The following PTPRU variants were observed in gnomAD, a reference collection of about 807,000 sequenced individuals.
PTPRU encodes the protein receptor-type tyrosine-protein phosphatase U.
PTPRU carries 69 observed loss-of-function variants against 166.3 expected under a neutral mutation model. That is an observed-to-expected ratio of 0.41 (90% CI 0.34 to 0.51). The LOEUF is 0.51. Ranked by LOEUF, PTPRU falls within the 20% of genes least tolerant of loss-of-function variation. PTPRU has a pLI of 0.09. For missense variants in PTPRU, 1,657 were observed against 2,013.7 expected (o/e 0.82, Z 3.39); for synonymous variants, 793 against 814.0 (o/e 0.97, Z 0.44).
chr1:29,248,958 G>A (rs547897221), intron 1 of PTPRU, among the ~76,000 whole-genome samples: 7 of 152,240 alleles, frequency 4.6e-5, no homozygotes, highest in East Asian at 1.9e-4. Flanking sequence ...AACTGCAACC[G>A]GTCATCTGAC....
intron 15 of PTPRU, among the ~76,000 whole-genome samples, chr1:29,295,201 A>G (rs1416790439): frequency 6.6e-6 from 1 of 150,986 alleles, no homozygotes; most frequent in African/African-American, 2.4e-5. Flanking sequence ...ATGCCTGGCT[A>G]ATCTTTGCAT....
chr1:29,240,806 C>T (rs563166794), intron 1 of PTPRU, among the ~76,000 whole-genome samples: 2 of 137,742 alleles, frequency 1.5e-5, no homozygotes, highest in East Asian at 4.3e-4. Context: ...AGGGAGCCCG[C>T]AGGGCCCTGT....
At chr1:29,242,297 A>T (rs917726024) in intron 1 of PTPRU, among the ~76,000 whole-genome samples, 4 of 151,924 alleles carry the variant, frequency 2.6e-5, no homozygotes, top group African/African-American at 9.7e-5. Context: ...GTTGGGTGGG[A>T]ATGTCCTGGT....
Position 29,279,245 on chromosome 1 carries a change from C to G in PTPRU, c.1563+124C>G, listed in dbSNP as rs1041076299. 1.9e-6 allele frequency: 2 copies of G among 1,050,430 alleles called. No individual in the cohort carries two copies. Among genetic ancestry groups the G allele is most frequent in the African/African-American group, 3.2e-5 (2 of 62,872 alleles). The allele number at this position is 1,050,430 out of a possible 1,614,324, so 65.1% of individuals were successfully genotyped here. ...GATGTGATTGTCATAGTTTCTTCAA[C>G]TATGGCCAGGTCTGTGCCCTGTGTA... On this transcript the variant is annotated intron_variant, in intron 9 of 29. Coordinates refer to ENST00000373779, the MANE Select transcript of PTPRU (RefSeq NM_133178.4). This position sits in a 1 kb window ranked among gnomAD's most constrained non-coding sequence, Gnocchi z 5.2.
At chr1:29,282,631 C>A in intron 11 of PTPRU, 45 bp from the exon 12 acceptor site, 2 of 1,573,804 alleles carry the variant, frequency 1.3e-6, no homozygotes, top group South Asian at 1.2e-5. Flanking sequence ...CTCTCCCAGT[C>A]CTCTGGCCGC....
At chr1:29,255,231 G>A (rs1437984168) in intron 1 of PTPRU, 44 bp from the exon 2 acceptor site, 1 of 1,592,638 alleles carries the variant, frequency 6.3e-7, no homozygotes, top group South Asian at 1.1e-5. Context: ...CTCCTGGCCA[G>A]CAGCCCTGCC....
intron 1 of PTPRU, among the ~76,000 whole-genome samples, chr1:29,252,346 C>T (rs948218074): frequency 5.3e-5 from 8 of 150,720 alleles, no homozygotes; most frequent in African/African-American, 2.0e-4. Flanking sequence ...CAGCTCACTG[C>T]AACCTCTGCC....
intron 1 of PTPRU, among the ~76,000 whole-genome samples, chr1:29,248,631 A>G (rs540161299): frequency 6.6e-6 from 1 of 152,176 alleles, no homozygotes; most frequent in African/African-American, 2.4e-5. Context: ...TTCAGAAAAT[A>G]CTGGTTGCAG....
At position 29,320,604 on chromosome 1, in the gene PTPRU, C is replaced by G; in HGVS notation, c.3688-81C>G. The G allele has an allele frequency of 1.4e-6, 2 of 1,433,702 alleles. No homozygotes were observed. The highest frequency in any genetic ancestry group is 9.3e-7 in the Non-Finnish European group (1 of 1,075,364). 88.8% of individuals were successfully genotyped at this position (1,433,702 alleles called of 1,614,324 possible). A position where few individuals can be genotyped will look rare whatever the true frequency, so the allele number is the denominator to read the frequency against. On this transcript the variant is annotated intron_variant, in intron 25 of 29. Transcript: ENST00000373779. This position sits in a 1 kb window ranked among gnomAD's most constrained non-coding sequence, Gnocchi z 5.2. ...ACCGTCCAACTCAGGGTGGGCAGTG[C>G]GGGAAGACAGCCTGGGGCAGAGGCT...
chr1:29,241,961 G>A (rs1231839464), intron 1 of PTPRU, among the ~76,000 whole-genome samples: 3 of 150,960 alleles, frequency 2.0e-5, no homozygotes, highest in Non-Finnish European at 2.9e-5. Context: ...GCATGATCTC[G>A]GCTCACTGCA....
rs981544522 is a variant in PTPRU, at chr1:29,292,122, C to T, written c.2476+96C>T. ...CATCAGGTGAGTTCTGTAACACCTG[C>T]AACCAAAAGTGAAGCATCTGTGGTG... is the stretch of plus-strand genomic sequence containing the variant. On this transcript the variant is annotated intron_variant, in intron 15 of 29. Transcript: ENST00000373779. 12 of 1,427,768 alleles carry T rather than the reference C, an allele frequency of 8.4e-6. No homozygotes were observed. In the Admixed American group the frequency reaches 8.5e-5, roughly 10 times the overall value. The allele number at this position is 1,427,768 out of a possible 1,614,324, so 88.4% of individuals were successfully genotyped here. A position where few individuals can be genotyped will look rare whatever the true frequency, so the allele number is the denominator to read the frequency against.
At chr1:29,302,113 T>A (rs932507433) in intron 15 of PTPRU, among the ~76,000 whole-genome samples, 1 of 151,636 alleles carries the variant, frequency 6.6e-6, no homozygotes, top group Non-Finnish European at 1.5e-5. Context: ...ACAGCGATAC[T>A]GATGATCCTG....
rs1024389263 is a variant in PTPRU at position 29,236,883 on chromosome 1, C to T, written c.73+166C>T. On this transcript the variant is annotated intron_variant, in intron 1 of 29. Coordinates refer to ENST00000373779, the MANE Select transcript of PTPRU (RefSeq NM_133178.4). This position sits in a 1 kb window ranked among gnomAD's most constrained non-coding sequence, Gnocchi z 4.6. ...GTGTGCCCGGGGTGTTGCGTGACTG[C>T]GAATGTTGTGTGTCCGTGAGTTCTG... Among the ~76,000 whole-genome samples, 4 of 152,070 alleles carry T rather than the reference C, an allele frequency of 2.6e-5. No homozygotes were observed. Among genetic ancestry groups the T allele is most frequent in the African/African-American group, 9.7e-5 (4 of 41,410 alleles).
intron 11 of PTPRU, among the ~76,000 whole-genome samples, chr1:29,281,215 TCTC>T (rs1469079055): frequency 6.6e-6 from 1 of 152,106 alleles, no homozygotes; most frequent in Non-Finnish European, 1.5e-5. Context: ...CACTGTATCC[TCTC>T]CTCTTCTGCT....
At position 29,291,864 on chromosome 1, in the gene PTPRU, T is replaced by C; in HGVS notation, c.2319-5T>C. On this transcript the variant is annotated splice_region_variant and splice_polypyrimidine_tract_variant and intron_variant, in intron 14 of 29. Transcript: ENST00000373779. The surrounding 1 kb of genome is among the most constrained non-coding windows in gnomAD (Gnocchi z 4.1). ...CCTGTGTCTCCCCTCAACCCCCCTC[T>C]CCAGGAAGCCGGTGAACATGACCAA... 6.2e-7 allele frequency: 1 copy of C among 1,613,528 alleles called. No individual in the cohort carries two copies. Among genetic ancestry groups the C allele is most frequent in the Non-Finnish European group, 8.5e-7 (1 of 1,179,774 alleles).
chr1:29,312,698 C>T lies in PTPRU; in HGVS notation c.3219C>T (p.Ile1073=). Residue 1073 remains isoleucine, a synonymous_variant, in exon 22 of 30, where the codon ATC becomes ATT. Transcript: ENST00000373779. ...STPPDAGPIV[I]HCSAGTGRTG... The stretch of plus-strand genomic sequence containing the variant: ...CACCTGATGCCGGGCCCATTGTCAT[C>T]CACTGCAGGTGGGGGCACCGGGAAT... The T allele has an allele frequency of 6.2e-7, 1 of 1,605,482 alleles. No individual in the cohort carries two copies. Among genetic ancestry groups the T allele is most frequent in the Non-Finnish European group, 8.5e-7 (1 of 1,173,656 alleles).
At position 29,317,131 on chromosome 1, in the gene PTPRU, A is replaced by G. The variant is rs1056541419; in HGVS notation, c.3514-617A>G. Among the ~76,000 whole-genome samples, 5 of 152,266 alleles carry G rather than the reference A, an allele frequency of 3.3e-5. No individual in the cohort carries two copies. Among genetic ancestry groups the G allele is most frequent in the African/African-American group, 9.6e-5 (4 of 41,544 alleles). The stretch of plus-strand genomic sequence containing the variant: ...TTCCCTGTGAGGGATCTCCAAGAAC[A>G]AGAGAAAGAAACTGAGAGCCCCTGG... On this transcript the variant is annotated intron_variant, in intron 24 of 29. Coordinates refer to ENST00000373779, the MANE Select transcript of PTPRU (RefSeq NM_133178.4). The surrounding 1 kb of genome is among the most constrained non-coding windows in gnomAD (Gnocchi z 5.6).
chr1:29,278,352 C>T (rs886677698), intron 8 of PTPRU, among the ~76,000 whole-genome samples: 2 of 152,190 alleles, frequency 1.3e-5, no homozygotes, highest in African/African-American at 2.4e-5. Context: ...AGTGGTTTAT[C>T]AAGGTATTTT....
chr1:29,281,043 G>A (rs1435391909), intron 11 of PTPRU, among the ~76,000 whole-genome samples: 3 of 152,140 alleles, frequency 2.0e-5, no homozygotes, highest in African/African-American at 7.2e-5. Flanking sequence ...AAGTTATAGA[G>A]CCTCCCTGCC....
Sources: allele counts gnomAD v4.1 joint callset (sites outside exome capture counted in the v4.1 genomes callset), GRCh38; gene constraint gnomAD v4.1.1; non-coding constraint Gnocchi (gnomAD v3.1); transcripts MANE v1.5; gene names NCBI Gene and HGNC (gene_info 2026-07-23, HGNC 2026-07-21).